SORL1: variants seen among roughly 807,000 people sequenced by gnomAD.
SORL1 encodes the protein sortilin related receptor 1, also known as sortilin-related receptor.
A neutral mutation model predicts 273.7 loss-of-function variants in SORL1; 127 were observed. The ratio of observed to expected loss-of-function variants is 0.46; its 90% confidence interval spans 0.40 to 0.54. The LOEUF is 0.54. Among genes scored for constraint, SORL1 ranks in the 20% least tolerant of loss-of-function variants. SORL1 has a pLI of 0.00. For synonymous variants in SORL1, 1,031 were observed against 1,067.4 expected (o/e 0.97, Z 0.66); for missense variants, 2,494 against 2,846.1 (o/e 0.88, Z 2.81).
rs756163678 is a variant in SORL1, at chr11:121,490,215, A to C, written c.758+105A>C. 13 of 751,516 alleles carry C rather than the reference A, an allele frequency of 1.7e-5. No individual in the cohort carries two copies. The South Asian group carries it at 1.8e-4, about 10-fold the overall frequency. The allele number at this position is 751,516 out of a possible 1,614,324, so 46.6% of individuals were successfully genotyped here. ...CCCTCCCCTGAAATGTCCAGCATTT[A>C]TTCAGGAAATACATTTTTCCAGATC... is the stretch of plus-strand genomic sequence containing the variant. On this transcript the variant is annotated intron_variant, in intron 5 of 47. Coordinates refer to ENST00000260197, the MANE Select transcript of SORL1 (RefSeq NM_003105.6).
chr11:121,481,817 A>G (rs985486830), intron 3 of SORL1, among the ~76,000 whole-genome samples: 7 of 144,236 alleles, frequency 4.9e-5, no homozygotes, highest in African/African-American at 1.1e-4. Context: ...ACAGATACCT[A>G]TAGGCAGGCT....
intron 13 of SORL1, among the ~76,000 whole-genome samples, chr11:121,544,093 G>T (rs539710838): frequency 1.3e-5 from 2 of 152,056 alleles, no homozygotes; most frequent in South Asian, 4.1e-4. Flanking sequence ...TGTGCCAAGC[G>T]ACACAGGGTC....
chr11:121,585,500 TACACACAC>T (rs58254356), intron 26 of SORL1, among the ~76,000 whole-genome samples: 168 of 137,548 alleles, frequency 1.2e-3, no homozygotes, highest in African/African-American at 3.9e-3. Flanking sequence ...AAAATGTATA[TACACACAC>T]ACACACACAC....
intron 32 of SORL1, among the ~76,000 whole-genome samples, chr11:121,603,936 C>T (rs1863429438): frequency 6.6e-6 from 1 of 152,212 alleles, no homozygotes; most frequent in East Asian, 1.9e-4. Flanking sequence ...TTTGCTCAAG[C>T]TCATGCAGAT....
rs1037331215 is a variant in SORL1, at chr11:121,632,011, T to G, written c.*2448T>G. ...GAAAATGAAAACAAATGCCTTGTAC[T>G]ACAGGCAGCCTCTGAAGGTGACCAC... On this transcript the variant is annotated 3_prime_UTR_variant, in exon 48 of 48. Transcript: ENST00000260197. 2 of 152,230 alleles carry G rather than the reference T, an allele frequency of 1.3e-5. No homozygotes were observed. The highest frequency in any genetic ancestry group is 4.8e-5 in the African/African-American group (2 of 41,456). The allele number at this position is 152,230 out of a possible 1,614,324, so 9.4% of individuals were successfully genotyped here. A position where few individuals can be genotyped will look rare whatever the true frequency, so the allele number is the denominator to read the frequency against.
chr11:121,576,186 A>G (rs915639991), intron 24 of SORL1, among the ~76,000 whole-genome samples: 1 of 152,212 alleles, frequency 6.6e-6, no homozygotes, highest in African/African-American at 2.4e-5. Context: ...GGTAATTTAT[A>G]AACAATAGTA....
chr11:121,627,982 G>A lies in SORL1; in HGVS notation c.6577+215G>A, dbSNP rs2134958178. Among the ~76,000 whole-genome samples, 1 of 152,264 alleles carries A rather than the reference G, an allele frequency of 6.6e-6. No individual in the cohort carries two copies. The highest frequency in any genetic ancestry group is 2.1e-4 in the South Asian group (1 of 4,824). ...TTAAAATGTTGTATTCTCTTTGATT[G>A]TGTAGTTCTGGCCTGAAACAGGGAG... On this transcript the variant is annotated intron_variant, in intron 47 of 47. Transcript: ENST00000260197. The surrounding 1 kb of genome is among the most constrained non-coding windows in gnomAD (Gnocchi z 4.9).
intron 21 of SORL1, among the ~76,000 whole-genome samples, chr11:121,560,026 T>C (rs1172296079): frequency 6.6e-6 from 1 of 152,216 alleles, no homozygotes; most frequent in African/African-American, 2.4e-5. Flanking sequence ...GCTCAGATAG[T>C]TGTTGCTTCC....
rs1565359753 is a variant in SORL1 at position 121,627,396 on chromosome 11, C to T, written c.6365-159C>T. ...TCATGGCAAGTAGTGGGGAAGCAAT[C>T]AGGCATCACGCACATGCAGAAACGT... On this transcript the variant is annotated intron_variant, in intron 46 of 47. Transcript: ENST00000260197. The surrounding 1 kb of genome is among the most constrained non-coding windows in gnomAD (Gnocchi z 4.9). 1.6e-6 allele frequency: 1 copy of T among 638,036 alleles called. No homozygotes were observed. 39.5% of individuals were successfully genotyped at this position (638,036 alleles called of 1,614,324 possible). A position where few individuals can be genotyped will look rare whatever the true frequency, so the allele number is the denominator to read the frequency against.
At chr11:121,532,142 T>C (rs557127518) in intron 11 of SORL1, among the ~76,000 whole-genome samples, 1 of 152,356 alleles carries the variant, frequency 6.6e-6, no homozygotes, top group South Asian at 2.1e-4. Context: ...TAATTTTTAA[T>C]CAAGGGTTGG....
intron 6 of SORL1, among the ~76,000 whole-genome samples, chr11:121,506,273 G>A (rs1210448323): frequency 1.3e-5 from 2 of 151,850 alleles, no homozygotes; most frequent in East Asian, 1.9e-4. Flanking sequence ...TTTCTTCTGG[G>A]TACAGTAAAC....
chr11:121,543,131 T>TGAGCCGAGATCATGC (rs1349122127), intron 12 of SORL1, among the ~76,000 whole-genome samples: 2 of 149,324 alleles, frequency 1.3e-5, no homozygotes, highest in Non-Finnish European at 3.0e-5. Flanking sequence ...GCAGAGCTTG[T>TGAGCCGAGATCATGC]AGTGAGCCGA....
At chr11:121,602,378 C>G (rs1388720996) in intron 32 of SORL1, among the ~76,000 whole-genome samples, 7 of 152,162 alleles carry the variant, frequency 4.6e-5, no homozygotes, top group East Asian at 3.8e-4. Flanking sequence ...CCTAGAGACT[C>G]GTGCAAAGAA....
chr11:121,509,848 A>G (rs954053136), intron 6 of SORL1, among the ~76,000 whole-genome samples: 1 of 152,234 alleles, frequency 6.6e-6, no homozygotes, highest in Non-Finnish European at 1.5e-5. Flanking sequence ...CAGACTCTAT[A>G]AGATTGAATT....
chr11:121,586,136 C>T (rs1863102304), intron 26 of SORL1, 86 bp from the exon 27 acceptor site: 3 of 1,023,826 alleles, frequency 2.9e-6, no homozygotes, highest in Non-Finnish European at 3.1e-6. Context: ...AGTGGTGGTA[C>T]CAGTGTGTAC....
intron 12 of SORL1, among the ~76,000 whole-genome samples, chr11:121,542,412 A>T (rs755591077): frequency 6.6e-6 from 1 of 152,206 alleles, no homozygotes; most frequent in Non-Finnish European, 1.5e-5. Context: ...TTTAAAATCT[A>T]TAACACATTA....
Position 121,522,634 on chromosome 11 carries a change from C to T in SORL1, c.1453C>T (p.Leu485Phe), listed in dbSNP as rs1389014000. 2.5e-6 allele frequency: 4 copies of T among 1,614,138 alleles called. No individual in the cohort carries two copies. The highest frequency in any genetic ancestry group is 3.4e-6 in the Non-Finnish European group (4 of 1,180,056). The change falls in exon 10 of 48, where the codon CTC becomes TTC. Residue 485 changes from leucine (L) to phenylalanine (F), a missense_variant. Coordinates refer to ENST00000260197, the MANE Select transcript of SORL1 (RefSeq NM_003105.6). ...TCTGGCTCAGCGCCTCAGTCAGCTC[C>T]TCAACCTCCAGCTCCGGAGAATGCC... ...LHLAQRLSQL[L>F]NLQLRRMPIL...
intron 35 of SORL1, 129 bp downstream of exon 35, chr11:121,605,700 A>T: frequency 1.4e-6 from 1 of 723,688 alleles, no homozygotes; most frequent in Non-Finnish European, 2.4e-6. Flanking sequence ...ATGGTGGCTA[A>T]GCTTTATAGT....
intron 29 of SORL1, among the ~76,000 whole-genome samples, chr11:121,589,625 G>A (rs1863178938): frequency 6.6e-6 from 1 of 152,218 alleles, no homozygotes; most frequent in African/African-American, 2.4e-5. Context: ...TGGTTGGGAA[G>A]ACCACATTAT....
Sources: gnomAD v4.1 joint callset for allele counts (sites outside exome capture counted in the v4.1 genomes callset) on GRCh38, gnomAD v4.1.1 for gene constraint, Gnocchi (gnomAD v3.1) non-coding constraint, MANE v1.5 for transcripts, NCBI Gene and HGNC (gene_info 2026-07-23, HGNC 2026-07-21) for gene names.